The following RAD51B variants were observed in gnomAD, a reference collection of about 807,000 sequenced individuals.
The protein encoded by RAD51B is RAD51 paralog B.
A neutral mutation model predicts 42.2 loss-of-function variants in RAD51B; 38 were observed. The ratio of observed to expected loss-of-function variants is 0.90; its 90% confidence interval spans 0.70 to 1.18. The LOEUF (loss-of-function observed/expected upper bound fraction) is 1.18. RAD51B is among the 50% of genes most tolerant of loss of function. RAD51B has a pLI of 0.00. For synonymous variants in RAD51B, 154 were observed against 145.2 expected (o/e 1.06, Z -0.43); for missense variants, 373 against 400.7 (o/e 0.93, Z 0.59).
chr14:68,260,788 C>T (rs1445332198), intron 7 of RAD51B, among the ~76,000 whole-genome samples: 7 of 152,112 alleles, frequency 4.6e-5, no homozygotes, highest in African/African-American at 9.7e-5. Flanking sequence ...TTGGGGGTAG[C>T]ATTTTCTGCA....
At chr14:68,000,883 T>G (rs918484085) in intron 7 of RAD51B, among the ~76,000 whole-genome samples, 1 of 152,200 alleles carries the variant, frequency 6.6e-6, no homozygotes, top group Non-Finnish European at 1.5e-5. Flanking sequence ...CTCTCTGTGA[T>G]AAGTTCTCAC....
chr14:68,354,784 C>T (rs1274272893), intron 8 of RAD51B, among the ~76,000 whole-genome samples: 1 of 151,600 alleles, frequency 6.6e-6, no homozygotes, highest in Non-Finnish European at 1.5e-5. Flanking sequence ...AAAGGTAACC[C>T]TTGGGAAGCC....
chr14:68,146,627 G>A (rs575130798), intron 7 of RAD51B, among the ~76,000 whole-genome samples: 4 of 152,238 alleles, frequency 2.6e-5, no homozygotes, highest in South Asian at 2.1e-4. Context: ...GGTTTTAAAC[G>A]GAAGTTAAGT....
intron 7 of RAD51B, among the ~76,000 whole-genome samples, chr14:67,958,806 T>G (rs2074601514): frequency 6.6e-6 from 1 of 152,240 alleles, no homozygotes. Context: ...CTCTAAATTA[T>G]AAAACTGGGC....
intron 10 of RAD51B, among the ~76,000 whole-genome samples, chr14:68,648,124 T>TAC (rs1566963602): frequency 4.7e-5 from 3 of 64,396 alleles, no homozygotes; most frequent in Non-Finnish European, 5.8e-5. Flanking sequence ...TATATATATA[T>TAC]ACACACACGT....
At chr14:68,056,057 T>C (rs1595334513) in intron 7 of RAD51B, among the ~76,000 whole-genome samples, 1 of 152,218 alleles carries the variant, frequency 6.6e-6, no homozygotes, top group East Asian at 1.9e-4. Context: ...ATAATCCTTT[T>C]GCACAGATAA....
intron 8 of RAD51B, among the ~76,000 whole-genome samples, chr14:68,386,022 G>T (rs2083587130): frequency 6.6e-6 from 1 of 152,186 alleles, no homozygotes; most frequent in Non-Finnish European, 1.5e-5. Flanking sequence ...ACTTAAGATA[G>T]TCCCTTAATC....
At chr14:68,376,053 G>T (rs569933232) in intron 8 of RAD51B, among the ~76,000 whole-genome samples, 98 of 152,046 alleles carry the variant, frequency 6.4e-4, no homozygotes, top group Non-Finnish European at 1.2e-3. Flanking sequence ...TTTATTTCAC[G>T]CACACCCAAG....
intron 8 of RAD51B, among the ~76,000 whole-genome samples, chr14:68,319,024 C>CT (rs2082112239): frequency 6.6e-6 from 1 of 152,016 alleles, no homozygotes; most frequent in African/African-American, 2.4e-5. Flanking sequence ...TTTCTCTAGA[C>CT]TGTGAGATGC....
rs1399065898 is a variant in RAD51B, at chr14:68,648,128, C to T, written c.1037-2653C>T. ...ATACACACACGTATATATATATACA[C>T]ACACGTATATATATATATACACACA... On this transcript the variant is annotated intron_variant, in intron 10 of 11. Coordinates refer to the RAD51B transcript ENST00000488612. 2.9e-5 allele frequency among the ~76,000 whole-genome samples: 3 copies of T among 101,708 alleles called. No individual in the cohort carries two copies. The Admixed American group carries it at 3.0e-4, about 10-fold the overall frequency. The allele number at this position is 101,708 out of a possible 152,430, so 66.7% of individuals were successfully genotyped here.
At chr14:67,997,272 G>A (rs2075401148) in intron 7 of RAD51B, among the ~76,000 whole-genome samples, 2 of 152,140 alleles carry the variant, frequency 1.3e-5, no homozygotes, top group Non-Finnish European at 2.9e-5. Context: ...TTAGCCCAGG[G>A]CATTTCAACA....
chr14:68,053,280 A>G (rs1481974832), intron 7 of RAD51B, among the ~76,000 whole-genome samples: 2 of 152,214 alleles, frequency 1.3e-5, no homozygotes, highest in Admixed American at 6.5e-5. Flanking sequence ...TTTGTACGAA[A>G]GAATGGGCTC....
At chr14:68,656,990 A>G (rs906053137) in intron 11 of RAD51B, among the ~76,000 whole-genome samples, 8 of 152,212 alleles carry the variant, frequency 5.3e-5, no homozygotes, top group Non-Finnish European at 1.0e-4. Context: ...TAAAACAGGA[A>G]AGAGCCTCAG....
chr14:68,299,573 T>G (rs769389774), intron 8 of RAD51B, among the ~76,000 whole-genome samples: 1 of 151,978 alleles, frequency 6.6e-6, no homozygotes, highest in Non-Finnish European at 1.5e-5. Flanking sequence ...CATCCATGGA[T>G]TTTGGTGTCT....
chr14:68,397,888 A>C (rs2083970979), intron 8 of RAD51B, among the ~76,000 whole-genome samples: 1 of 152,178 alleles, frequency 6.6e-6, no homozygotes, highest in African/African-American at 2.4e-5. Flanking sequence ...AAATGTCAAC[A>C]TTTTACTTCT....
chr14:68,411,524 A>G lies in RAD51B; in HGVS notation c.954A>G (p.Arg318=), dbSNP rs775204593. 3.1e-6 allele frequency: 5 copies of G among 1,613,122 alleles called. No homozygotes were observed. The South Asian group carries it at 4.4e-5, about 14-fold the overall frequency. ...LILQYLDSER[R]QILIAKSPLA... Reference sequence around the variant, plus strand: ...TCCAGTACCTTGATTCAGAGAGAAGACAGGTGGGTGCTTTGACAGTATTCT... The same window carrying G: ...TCCAGTACCTTGATTCAGAGAGAAGGCAGGTGGGTGCTTTGACAGTATTCT... The change falls in exon 9 of 11, where the codon AGA becomes AGG. Residue 318 remains arginine, a synonymous_variant. Transcript: ENST00000471583.
At chr14:67,821,650 C>T (rs748800846) in intron 1 of RAD51B, among the ~76,000 whole-genome samples, 4 of 152,014 alleles carry the variant, frequency 2.6e-5, no homozygotes, top group Admixed American at 6.6e-5. Context: ...TTTGTGGAGA[C>T]AGGTTCTCTC....
chr14:68,439,363 T>A (rs559727335), intron 9 of RAD51B, among the ~76,000 whole-genome samples: 1 of 152,298 alleles, frequency 6.6e-6, no homozygotes, highest in South Asian at 2.1e-4. Context: ...GGTAGCTTCT[T>A]GTTGTTGCTA....
intron 7 of RAD51B, among the ~76,000 whole-genome samples, chr14:68,230,589 A>G (rs994359490): frequency 3.9e-5 from 6 of 152,166 alleles, no homozygotes; most frequent in African/African-American, 1.2e-4. Context: ...TGTTCCTACC[A>G]AAAAAAGGAC....
Sources: gnomAD v4.1 joint callset for allele counts (sites outside exome capture counted in the v4.1 genomes callset) on GRCh38, gnomAD v4.1.1 for gene constraint, MANE v1.5 for transcripts, NCBI Gene and HGNC (gene_info 2026-07-23, HGNC 2026-07-21) for gene names.